COLQ: variants seen among roughly 807,000 people sequenced by gnomAD.
COLQ encodes the protein acetylcholinesterase collagenic tail peptide.
In COLQ, 48 loss-of-function variants were observed where a neutral mutation model predicts 69.0. The ratio of observed to expected loss-of-function variants is 0.70; its 90% CI spans 0.55 to 0.88. The LOEUF is 0.88. COLQ is among the 40% of genes least tolerant of loss of function. The pLI is 0.00. For synonymous variants in COLQ, 217 were observed against 211.2 expected (o/e 1.03, Z -0.24); for missense variants, 618 against 594.6 (o/e 1.04, Z -0.41).
In COLQ at chr3:15,489,513, C is replaced by T; in HGVS notation, c.219+12G>A. 1 of 1,613,826 alleles carries T rather than the reference C, an allele frequency of 6.2e-7. No individual in the cohort carries two copies. Among genetic ancestry groups the T allele is most frequent in the Non-Finnish European group, 8.5e-7 (1 of 1,179,732 alleles). ...GCACTTTTTTTCCTCTCATAAATCC[C>T]AAAGTACTCACCGGACTTCGGCCAC... On this transcript the variant is annotated intron_variant, in intron 2 of 16. Coordinates refer to ENST00000383788, the MANE Select transcript of COLQ (RefSeq NM_005677.4).
At chr3:15,452,372 A>G (rs1456570715) in intron 16 of COLQ, among the ~76,000 whole-genome samples, 1 of 152,126 alleles carries the variant, frequency 6.6e-6, no homozygotes, top group Non-Finnish European at 1.5e-5. Context: ...TGGCCTGAGT[A>G]ACTGCATTTT....
At chr3:15,458,956 G>A (rs2062066055) in intron 12 of COLQ, among the ~76,000 whole-genome samples, 1 of 151,664 alleles carries the variant, frequency 6.6e-6, no homozygotes, top group African/African-American at 2.4e-5. Flanking sequence ...TGAGTCTCCT[G>A]CCTCAGCCTC....
intron 13 of COLQ, among the ~76,000 whole-genome samples, 191 bp downstream of exon 13, chr3:15,457,995 G>C (rs2062049234): frequency 6.6e-6 from 1 of 152,030 alleles, no homozygotes; most frequent in Non-Finnish European, 1.5e-5. Context: ...ACCCCAAAAT[G>C]GACTCACAAT....
At chr3:15,519,740 G>T (rs1266017274) in intron 1 of COLQ, among the ~76,000 whole-genome samples, 1 of 152,124 alleles carries the variant, frequency 6.6e-6, no homozygotes, top group Non-Finnish European at 1.5e-5. Context: ...TTGTGCCAGG[G>T]TGCTCTCCAA....
chr3:15,507,578 C>T (rs2062928270), intron 1 of COLQ, among the ~76,000 whole-genome samples: 1 of 152,198 alleles, frequency 6.6e-6, no homozygotes, highest in African/African-American at 2.4e-5. Context: ...CCTCAGCCTC[C>T]CAAGAAGCTG....
chr3:15,504,259 G>T (rs536242316), intron 1 of COLQ, among the ~76,000 whole-genome samples: 1 of 152,262 alleles, frequency 6.6e-6, no homozygotes, highest in Admixed American at 6.5e-5. Flanking sequence ...CTAGGGCTGG[G>T]GTAACAAAGT....
At chr3:15,498,362 G>A (rs2062778922) in intron 1 of COLQ, 1 of 736,658 alleles carries the variant, frequency 1.4e-6, no homozygotes, top group Admixed American at 2.9e-5. Context: ...ATGAGAAACA[G>A]CCCTGTGAAA....
intron 3 of COLQ, among the ~76,000 whole-genome samples, chr3:15,483,875 T>A (rs2062531662): frequency 6.6e-6 from 1 of 152,248 alleles, no homozygotes; most frequent in Admixed American, 6.5e-5. Context: ...TCTAAGGACC[T>A]GCTTTATGAA....
intron 10 of COLQ, 139 bp from the exon 11 acceptor site, chr3:15,470,755 G>A: frequency 1.3e-6 from 1 of 795,914 alleles, no homozygotes. Context: ...TGCCCTGCAA[G>A]GTTAGCAGAG....
intron 3 of COLQ, among the ~76,000 whole-genome samples, chr3:15,486,069 G>A (rs780231711): frequency 2.6e-5 from 4 of 152,212 alleles, no homozygotes; most frequent in Non-Finnish European, 5.9e-5. Flanking sequence ...AGATAAGTTT[G>A]AGAACCAGTA....
At chr3:15,507,889 T>C (rs556035373) in intron 1 of COLQ, among the ~76,000 whole-genome samples, 10 of 152,352 alleles carry the variant, frequency 6.6e-5, no homozygotes, top group African/African-American at 1.9e-4. Context: ...ATTTTTCCTA[T>C]ATATAGGAAA....
intron 1 of COLQ, among the ~76,000 whole-genome samples, chr3:15,510,355 C>T (rs974398368): frequency 2.0e-5 from 3 of 152,022 alleles, no homozygotes; most frequent in African/African-American, 4.8e-5. Context: ...TCCTCATCAC[C>T]GTCTAAAATG....
chr3:15,477,191 G>C lies in COLQ; in HGVS notation c.400C>G (p.Pro134Ala). 1.2e-6 allele frequency: 2 copies of C among 1,605,446 alleles called. No homozygotes were observed. Among genetic ancestry groups the C allele is most frequent in the Non-Finnish European group, 1.7e-6 (2 of 1,176,382 alleles). ...ATGCCAGGAACACCTGGGGGGCCAG[G>C]TCTACCCTTCAAAGACCAAGAACAA... ...ELGRPGRKGR[P>A]GPPGVPGMPG... Residue 134 changes from proline (P) to alanine (A), a missense_variant, in exon 6 of 17, where the codon CCT becomes GCT. Pro to Ala is a conservative substitution (Grantham distance 27, BLOSUM62 -1). Coordinates refer to ENST00000383788, the MANE Select transcript of COLQ (RefSeq NM_005677.4).
chr3:15,495,067 T>C (rs1284146780), intron 1 of COLQ, among the ~76,000 whole-genome samples: 1 of 152,158 alleles, frequency 6.6e-6, no homozygotes, highest in Non-Finnish European at 1.5e-5. Context: ...AGCCAGGCAG[T>C]CTGGTTCCGG....
At chr3:15,500,450 GT>G (rs577154179) in intron 1 of COLQ, among the ~76,000 whole-genome samples, 89 of 151,990 alleles carry the variant, frequency 5.9e-4, no homozygotes, top group African/African-American at 2.1e-3. Context: ...CACTTACTGT[GT>G]TTTTTTTAAC....
At chr3:15,481,776 T>C (rs2062488218) in intron 3 of COLQ, among the ~76,000 whole-genome samples, 1 of 152,252 alleles carries the variant, frequency 6.6e-6, no homozygotes, top group Admixed American at 6.5e-5. Context: ...TTGATGGGGA[T>C]GGCACTGAAT....
At chr3:15,463,991 C>T (rs1312132612) in intron 12 of COLQ, among the ~76,000 whole-genome samples, 1 of 152,208 alleles carries the variant, frequency 6.6e-6, no homozygotes, top group Non-Finnish European at 1.5e-5. Context: ...CCTCCTCTCC[C>T]TATTTCAAGG....
intron 13 of COLQ, among the ~76,000 whole-genome samples, chr3:15,457,949 CA>C (rs2125088625): frequency 6.6e-6 from 1 of 152,186 alleles, no homozygotes; most frequent in Admixed American, 6.5e-5. Context: ...TAATCTCAAC[CA>C]TATAAAAGTT....
intron 11 of COLQ, among the ~76,000 whole-genome samples, chr3:15,468,371 C>T (rs912407130): frequency 5.5e-5 from 7 of 126,510 alleles, no homozygotes; most frequent in Admixed American, 9.5e-5. Flanking sequence ...CTTGCTCTGT[C>T]GCCCAGGCTG....
Sources: allele counts gnomAD v4.1 joint callset (sites outside exome capture counted in the v4.1 genomes callset), GRCh38; gene constraint gnomAD v4.1.1; transcripts MANE v1.5; gene names NCBI Gene and HGNC (gene_info 2026-07-23, HGNC 2026-07-21).